The following FGGY variants were observed in gnomAD, a reference collection of about 807,000 sequenced individuals.
FGGY encodes the protein FGGY carbohydrate kinase domain-containing protein.
FGGY carries 72 observed loss-of-function variants against 71.3 expected under a neutral mutation model. The observed-to-expected ratio is 1.01, with a 90% CI of 0.84 to 1.23. FGGY has a LOEUF of 1.23. Among genes scored for constraint, FGGY ranks in the 50% most tolerant of loss-of-function variants. FGGY has a pLI of 0.00. For missense variants in FGGY, 668 were observed against 682.3 expected (o/e 0.98, Z 0.23); for synonymous variants, 251 against 250.3 (o/e 1.00, Z -0.02).
intron 10 of FGGY, among the ~76,000 whole-genome samples, chr1:59,635,523 T>C (rs2096949573): frequency 6.8e-6 from 1 of 146,270 alleles, no homozygotes; most frequent in Admixed American, 6.9e-5. Flanking sequence ...AGAGGCAGAA[T>C]GAAAAGATTT....
chr1:59,527,568 C>G (rs1014160217), intron 7 of FGGY, among the ~76,000 whole-genome samples: 7 of 152,216 alleles, frequency 4.6e-5, no homozygotes, highest in African/African-American at 1.7e-4. Flanking sequence ...AAAAAACATA[C>G]AAAGTTTGCT....
At chr1:59,587,908 T>A (rs1269428088) in intron 8 of FGGY, among the ~76,000 whole-genome samples, 2 of 152,148 alleles carry the variant, frequency 1.3e-5, no homozygotes, top group East Asian at 1.9e-4. Context: ...CTCCAAAGGA[T>A]CGCAGTTCCT....
intron 8 of FGGY, among the ~76,000 whole-genome samples, chr1:59,585,607 T>G (rs185168246): frequency 6.6e-6 from 1 of 152,190 alleles, no homozygotes; most frequent in Non-Finnish European, 1.5e-5. Context: ...GACATAGGCA[T>G]GGGCAAGGAC....
At chr1:59,391,308 G>A (rs562498337) in intron 5 of FGGY, among the ~76,000 whole-genome samples, 12 of 152,242 alleles carry the variant, frequency 7.9e-5, no homozygotes, top group Non-Finnish European at 1.6e-4. Flanking sequence ...CAGGGAGGGC[G>A]AGAGAGGATG....
chr1:59,555,937 G>A (rs1370620818), intron 8 of FGGY, among the ~76,000 whole-genome samples: 3 of 152,164 alleles, frequency 2.0e-5, no homozygotes, highest in Admixed American at 6.5e-5. Flanking sequence ...GAAGGCAGAG[G>A]TTGCAGCAAG....
At chr1:59,631,988 A>G (rs1268469231) in intron 10 of FGGY, among the ~76,000 whole-genome samples, 1 of 152,192 alleles carries the variant, frequency 6.6e-6, no homozygotes, top group African/African-American at 2.4e-5. Context: ...TCTGGTGACA[A>G]CAGGGTTTAG....
chr1:59,586,007 A>G (rs1397404913), intron 8 of FGGY, among the ~76,000 whole-genome samples: 1 of 152,214 alleles, frequency 6.6e-6, no homozygotes, highest in Non-Finnish European at 1.5e-5. Context: ...TAAACAGGAA[A>G]CAACAGATGC....
chr1:59,396,855 ATAGAGT>A (rs1397980686), intron 5 of FGGY, among the ~76,000 whole-genome samples: 9 of 152,176 alleles, frequency 5.9e-5, no homozygotes, highest in African/African-American at 4.8e-5. Flanking sequence ...GCTGTAAGAG[ATAGAGT>A]TAGTCACTAG....
At chr1:59,555,449 T>A (rs897651414) in intron 8 of FGGY, among the ~76,000 whole-genome samples, 3 of 152,186 alleles carry the variant, frequency 2.0e-5, no homozygotes, top group African/African-American at 7.2e-5. Flanking sequence ...TGACAGCACC[T>A]GTCAGAGTGC....
chr1:59,302,816 T>A (rs923442053), intron 1 of FGGY, among the ~76,000 whole-genome samples: 1 of 151,714 alleles, frequency 6.6e-6, no homozygotes, highest in Non-Finnish European at 1.5e-5. Context: ...AAATAAGTTT[T>A]AAAAAATAAA....
At chr1:59,329,491 G>A (rs1051628478) in intron 2 of FGGY, among the ~76,000 whole-genome samples, 1 of 152,182 alleles carries the variant, frequency 6.6e-6, no homozygotes, top group African/African-American at 2.4e-5. Context: ...ATAAAATGAG[G>A]TATGCCTGTA....
intron 7 of FGGY, among the ~76,000 whole-genome samples, chr1:59,548,372 G>A (rs1045436116): frequency 2.0e-5 from 3 of 152,152 alleles, no homozygotes; most frequent in African/African-American, 7.2e-5. Context: ...CGTGGATGGC[G>A]TATCTCCCAT....
chr1:59,576,392 C>G (rs2096075042), intron 8 of FGGY, among the ~76,000 whole-genome samples: 1 of 151,644 alleles, frequency 6.6e-6, no homozygotes, highest in Admixed American at 6.6e-5. Context: ...CACACTGAGG[C>G]CAGTCGGGGG....
At chr1:59,314,089 C>T (rs1329846562) in intron 1 of FGGY, among the ~76,000 whole-genome samples, 1 of 152,072 alleles carries the variant, frequency 6.6e-6, no homozygotes, top group Admixed American at 6.5e-5. Flanking sequence ...TCTCAGCCTC[C>T]CGAGTAGCTG....
chr1:59,605,180 T>C (rs1369282867), intron 8 of FGGY, among the ~76,000 whole-genome samples: 2 of 152,216 alleles, frequency 1.3e-5, no homozygotes, highest in Non-Finnish European at 2.9e-5. Flanking sequence ...GTACCTCCCT[T>C]GTGTGCTCTC....
At chr1:59,553,567 T>C (rs1361659464) in intron 7 of FGGY, among the ~76,000 whole-genome samples, 2 of 152,204 alleles carry the variant, frequency 1.3e-5, no homozygotes, top group Middle Eastern at 3.2e-3. Context: ...CGATAAGTAG[T>C]AGTAAGAATG....
At chr1:59,345,079 A>C (rs1438615368) in intron 3 of FGGY, among the ~76,000 whole-genome samples, 1 of 152,200 alleles carries the variant, frequency 6.6e-6, no homozygotes, top group Non-Finnish European at 1.5e-5. Flanking sequence ...CTGTCATTGA[A>C]AAACAGGGGT....
At chr1:59,759,613 G>T (rs2098325560) in intron 15 of FGGY, among the ~76,000 whole-genome samples, 1 of 152,236 alleles carries the variant, frequency 6.6e-6, no homozygotes, top group Non-Finnish European at 1.5e-5. Flanking sequence ...CTGCGAAGGA[G>T]GCGGCACACA....
chr1:59,296,934 G>T (rs988151028), upstream of FGGY: 3 of 152,588 alleles, frequency 2.0e-5, no homozygotes, highest in Non-Finnish European at 2.9e-5. Context: ...TCAGTCCCAC[G>T]TGGGCGCTGG....
Sources: gnomAD v4.1 joint callset for allele counts (sites outside exome capture counted in the v4.1 genomes callset) on GRCh38, gnomAD v4.1.1 for gene constraint, MANE v1.5 for transcripts, NCBI Gene and HGNC (gene_info 2026-07-23, HGNC 2026-07-21) for gene names.